APOL4: variants seen among roughly 807,000 people sequenced by gnomAD.
The protein encoded by APOL4 is apolipoprotein L4, also known as apolipoprotein L, 4.
A neutral mutation model predicts 12.1 loss-of-function variants in APOL4; 14 were observed. The observed-to-expected ratio is 1.16, with a 90% CI of 0.76 to 1.81. APOL4 has a LOEUF of 1.81. Ranked by LOEUF, APOL4 falls within the 40% of genes most tolerant of loss-of-function variation. APOL4 has a pLI of 0.00. For synonymous variants in APOL4, 171 were observed against 160.6 expected (o/e 1.06, Z -0.49); for missense variants, 432 against 423.1 (o/e 1.02, Z -0.18).
chr22:36,200,470 C>T (rs1357454111), intron 1 of APOL4, among the ~76,000 whole-genome samples: 3 of 152,242 alleles, frequency 2.0e-5, no homozygotes, highest in Non-Finnish European at 4.4e-5. Flanking sequence ...GACCTGGATC[C>T]TGCCAGATGC....
intron 3 of APOL4, 115 bp downstream of exon 3, chr22:36,195,196 C>T: frequency 7.3e-7 from 1 of 1,372,400 alleles, no homozygotes; most frequent in South Asian, 1.4e-5. Flanking sequence ...GGGACATCCT[C>T]AAGCCCAGCA....
chr22:36,189,929 G>C lies in APOL4; in HGVS notation c.*1146C>G, dbSNP rs186731731. On this transcript the variant is annotated 3_prime_UTR_variant, in exon 4 of 4. Coordinates refer to ENST00000683024, the MANE Select transcript of APOL4 (RefSeq NM_001386885.1). The stretch of plus-strand genomic sequence containing the variant: ...CTTTATTCCCCTAAAAAATGTCTGC[G>C]TTTTGTCCCGGCCTGTGTCTGGCTC... The C allele has an allele frequency of 1.0e-5, 2 of 199,626 alleles. No individual in the cohort carries two copies. Among genetic ancestry groups the C allele is most frequent in the South Asian group, 2.1e-4 (2 of 9,620 alleles). The allele number at this position is 199,626 out of a possible 1,614,324, so 12.4% of individuals were successfully genotyped here.
intron 2 of APOL4, chr22:36,197,392 G>C (rs556865973): frequency 1.6e-5 from 7 of 450,164 alleles, no homozygotes; most frequent in Non-Finnish European, 2.2e-5. Flanking sequence ...GGATTGTCTT[G>C]TTTTTTCTTT....
At position 36,189,904 on chromosome 22, in the gene APOL4, C is replaced by T. The variant is rs1320814543; in HGVS notation, c.*1171G>A. 1 of 172,282 alleles carries T rather than the reference C, an allele frequency of 5.8e-6. No individual in the cohort carries two copies. Among genetic ancestry groups the T allele is most frequent in the East Asian group, 1.4e-4 (1 of 7,024 alleles). The allele number at this position is 172,282 out of a possible 1,614,324, so 10.7% of individuals were successfully genotyped here. On this transcript the variant is annotated 3_prime_UTR_variant, in exon 4 of 4. Coordinates refer to ENST00000683024, the MANE Select transcript of APOL4 (RefSeq NM_001386885.1). ...AGTTCCATAAACTTTACCTCGCCCTCTTTATTCCCCTAAAAAATGTCTGCG... is the reference window on the plus strand; with the variant it reads ...AGTTCCATAAACTTTACCTCGCCCTTTTTATTCCCCTAAAAAATGTCTGCG...
At chr22:36,194,021 T>C (rs1002813670) in intron 3 of APOL4, among the ~76,000 whole-genome samples, 2 of 152,216 alleles carry the variant, frequency 1.3e-5, no homozygotes, top group African/African-American at 2.4e-5. Context: ...CATGAGGACT[T>C]TGAAAATCAT....
chr22:36,195,030 A>G, intron 3 of APOL4: 1 of 312,570 alleles, frequency 3.2e-6, no homozygotes, highest in East Asian at 6.1e-5. Flanking sequence ...TGGATGAAGA[A>G]AGGAAAGCAG....
At chr22:36,195,766 TCTCTCTCTCTCACACACACACA>T (rs2014389030) in intron 2 of APOL4, among the ~76,000 whole-genome samples, 1 of 114,990 alleles carries the variant, frequency 8.7e-6, no homozygotes, top group African/African-American at 2.8e-5. Flanking sequence ...TCTCTCTCTC[TCTCTCTCTCTCACACACACACA>T]CACACACACA....
chr22:36,201,097 G>A (rs965531841), intron 1 of APOL4, among the ~76,000 whole-genome samples: 7 of 151,772 alleles, frequency 4.6e-5, no homozygotes, highest in Non-Finnish European at 1.0e-4. Context: ...GTGGAGAGGA[G>A]AGATAGAGGG....
Position 36,191,290 on chromosome 22 carries a change from G to A in APOL4, c.832C>T (p.Pro278Ser), listed in dbSNP as rs773304449. 6.2e-6 allele frequency: 10 copies of A among 1,614,042 alleles called. No individual in the cohort carries two copies. The highest frequency in any genetic ancestry group is 7.6e-6 in the Non-Finnish European group (9 of 1,179,898). ...VVETLRTRGA[P>S]TRIVRKVARN... ...GCTACTTTTCTCACTATCCGGGTGGGGGCCCCACGTGTTCTCAGTGTCTCA... is the reference window on the plus strand; with the variant it reads ...GCTACTTTTCTCACTATCCGGGTGGAGGCCCCACGTGTTCTCAGTGTCTCA... Residue 278 changes from proline to serine, a missense_variant, in exon 4 of 4, where the codon CCC becomes TCC. Physicochemically the swap from Pro to Ser is moderately conservative, Grantham distance 74. Transcript: ENST00000683024.
chr22:36,196,283 T>C (rs1402771759), intron 2 of APOL4, among the ~76,000 whole-genome samples: 7 of 152,190 alleles, frequency 4.6e-5, no homozygotes, highest in African/African-American at 2.4e-5. Flanking sequence ...ATATTGAACA[T>C]AGCAAGAGTG....
At chr22:36,193,977 G>A (rs1323195465) in intron 3 of APOL4, among the ~76,000 whole-genome samples, 2 of 152,172 alleles carry the variant, frequency 1.3e-5, no homozygotes, top group Non-Finnish European at 2.9e-5. Flanking sequence ...ACAGGTCAAG[G>A]CCCTGTACAA....
Position 36,191,742 on chromosome 22 carries a change from G to C in APOL4, c.380C>G (p.Ala127Gly), listed in dbSNP as rs1230632306. The C allele has an allele frequency of 6.2e-7, 1 of 1,614,018 alleles. No individual in the cohort carries two copies. Among genetic ancestry groups the C allele is most frequent in the Admixed American group, 1.7e-5 (1 of 60,030 alleles). Residue 127 changes from alanine to glycine, a missense_variant, in exon 4 of 4, where the codon GCA becomes GGA. Physicochemically the swap from Ala to Gly is moderately conservative, Grantham distance 60 (BLOSUM62 0). Transcript: ENST00000683024. The stretch of plus-strand genomic sequence containing the variant: ...TCTGTGGACCTTTTCAATCTCATTT[G>C]CAATGACACGAAGCCTTTCTATGGA... ...QESIERLRVI[A>G]NEIEKVHRGC...
Position 36,201,701 on chromosome 22 carries a change from C to A in APOL4, c.34G>T (p.Gly12Trp). The A allele has an allele frequency of 6.2e-7, 1 of 1,606,672 alleles. No homozygotes were observed. Among genetic ancestry groups the A allele is most frequent in the Non-Finnish European group, 8.5e-7 (1 of 1,177,068 alleles). Reference protein sequence around the residue: ...GSWVQLITSVGVQQNHPGWTV... With the variant: ...GSWVQLITSVWVQQNHPGWTV... The stretch of plus-strand genomic sequence containing the variant: ...AGAGAGCTGGGGCCTCGGACTCACC[C>A]GACGCTTGTGATGAGCTGCACCCAG... The change falls in exon 1 of 4, where the codon GGG (glycine) becomes TGG (tryptophan). Residue 12 changes from glycine (G) to tryptophan (W), a missense_variant and splice_region_variant. Transcript: ENST00000683024.
chr22:36,193,235 T>C (rs1197380446), intron 3 of APOL4, among the ~76,000 whole-genome samples: 2 of 152,190 alleles, frequency 1.3e-5, no homozygotes, highest in South Asian at 2.1e-4. Context: ...TGCCGCCCCT[T>C]ACCCTGGTGT....
chr22:36,196,312 A>G (rs1282789883), intron 2 of APOL4, among the ~76,000 whole-genome samples: 4 of 152,230 alleles, frequency 2.6e-5, no homozygotes, highest in Non-Finnish European at 5.9e-5. Context: ...TTTGTAAGAT[A>G]CTTGAAATAT....
intron 2 of APOL4, among the ~76,000 whole-genome samples, chr22:36,195,768 TCTCTCTCTCACACACACA>T (rs898077022): frequency 5.7e-5 from 6 of 105,514 alleles, no homozygotes; most frequent in African/African-American, 2.1e-4. Flanking sequence ...TCTCTCTCTC[TCTCTCTCTCACACACACA>T]CACACACACA....
At chr22:36,200,196 G>A (rs2014531314) in intron 1 of APOL4, among the ~76,000 whole-genome samples, 1 of 152,176 alleles carries the variant, frequency 6.6e-6, no homozygotes, top group Non-Finnish European at 1.5e-5. Context: ...GAACACAGAG[G>A]AATCCACAAA....
chr22:36,191,051 C>T lies in APOL4; in HGVS notation c.*24G>A, dbSNP rs368150007. 2.3e-4 allele frequency: 355 copies of T among 1,556,128 alleles called. 1 individual carries two copies. Among genetic ancestry groups the T allele is most frequent in the Admixed American group, 4.6e-4 (24 of 52,092 alleles). On this transcript the variant is annotated 3_prime_UTR_variant, in exon 4 of 4. Transcript: ENST00000683024. Reference sequence around the variant, plus strand: ...TCAGCCAGTCCCTCCGTTTGGGGTCCCTGACTTCCCGCAACAATTGGGCCT... The same window carrying T: ...TCAGCCAGTCCCTCCGTTTGGGGTCTCTGACTTCCCGCAACAATTGGGCCT...
chr22:36,199,449 G>A, intron 1 of APOL4, 73 bp from the exon 2 acceptor site: 2 of 1,613,112 alleles, frequency 1.2e-6, no homozygotes, highest in Non-Finnish European at 1.7e-6. Flanking sequence ...TGAACAGCTG[G>A]GCCTCTGCAG....
Sources: gnomAD v4.1 joint callset for allele counts (sites outside exome capture counted in the v4.1 genomes callset) on GRCh38, gnomAD v4.1.1 for gene constraint, MANE v1.5 for transcripts, NCBI Gene and HGNC (gene_info 2026-07-23, HGNC 2026-07-21) for gene names.